Variants in FAM47E observed in about 807,000 individuals in gnomAD.
The protein encoded by FAM47E is protein FAM47E.
Under a neutral mutation model 41.6 loss-of-function variants are expected in FAM47E, and 32 were observed. That is an observed-to-expected ratio of 0.77 (90% CI 0.58 to 1.03). The LOEUF (loss-of-function observed/expected upper bound fraction) is 1.03, where lower values mean the gene tolerates loss of function less well. Ranked by LOEUF, FAM47E falls within the 50% of genes least tolerant of loss-of-function variation. FAM47E has a pLI of 0.00. For missense variants in FAM47E, 424 were observed against 485.4 expected, an observed-to-expected ratio of 0.87 and a Z score of 1.19; for synonymous variants, 184 against 188.7, an observed-to-expected ratio of 0.98 and a Z score of 0.20.
chr4:76,265,573 C>T (rs1734597046), intron 3 of FAM47E, among the ~76,000 whole-genome samples: 2 of 151,250 alleles, frequency 1.3e-5, no homozygotes, highest in Non-Finnish European at 1.5e-5. Context: ...GCTCCTAAAA[C>T]CCTTGGGATT....
At chr4:76,235,755 C>G (rs756128016) in intron 2 of FAM47E, among the ~76,000 whole-genome samples, 41 of 152,242 alleles carry the variant, frequency 2.7e-4, no homozygotes, top group Non-Finnish European at 4.3e-4. Context: ...TAGATCGATT[C>G]CCCATTTCAG....
intron 2 of FAM47E, among the ~76,000 whole-genome samples, chr4:76,259,108 A>G (rs1312557033): frequency 6.6e-6 from 1 of 152,196 alleles, no homozygotes; most frequent in African/African-American, 2.4e-5. Flanking sequence ...GTAAGTGAAA[A>G]TGCAGGTGAA....
intron 6 of FAM47E, 118 bp downstream of exon 6, chr4:76,278,342 C>A: frequency 1.8e-6 from 2 of 1,123,748 alleles, no homozygotes; most frequent in Non-Finnish European, 2.3e-6. Context: ...AGCCCTCCAC[C>A]TTGCATATTG....
chr4:76,279,634 G>A (rs1735265897), intron 6 of FAM47E: 2 of 152,134 alleles, frequency 1.3e-5, no homozygotes, highest in Admixed American at 6.5e-5. Context: ...TTACATTATC[G>A]ACTATAGGTG....
intron 2 of FAM47E, among the ~76,000 whole-genome samples, chr4:76,230,630 A>G (rs1733476240): frequency 6.6e-6 from 1 of 152,154 alleles, no homozygotes; most frequent in African/African-American, 2.4e-5. Context: ...TTCCTAGCAG[A>G]TATCTGGGGT....
Position 76,263,862 on chromosome 4 carries a change from C to G in FAM47E, c.560+19C>G, listed in dbSNP as rs888155173. 6.5e-7 allele frequency: 1 copy of G among 1,548,820 alleles called. No homozygotes were observed. Among genetic ancestry groups the G allele is most frequent in the Non-Finnish European group, 8.7e-7 (1 of 1,145,610 alleles). Reference sequence around the variant, plus strand: ...TGGGACCGTGAGTATTGTTCTTAACCCTTCGATCATTGCTGTCACCTGATG... The same window carrying G: ...TGGGACCGTGAGTATTGTTCTTAACGCTTCGATCATTGCTGTCACCTGATG... On this transcript the variant is annotated intron_variant, in intron 3 of 7. Coordinates refer to ENST00000424749, the MANE Select transcript of FAM47E (RefSeq NM_001136570.3).
chr4:76,282,663 G>C (rs1486680068), intron 7 of FAM47E: 1 of 151,754 alleles, frequency 6.6e-6, no homozygotes, highest in Non-Finnish European at 1.5e-5. Flanking sequence ...CCCTACATCT[G>C]GCTGTCCTCT....
chr4:76,260,578 G>C (rs984443819), intron 2 of FAM47E, among the ~76,000 whole-genome samples: 6 of 152,090 alleles, frequency 3.9e-5, no homozygotes, highest in African/African-American at 1.4e-4. Flanking sequence ...GTGGACTAAA[G>C]ACTTAAATGT....
intron 2 of FAM47E, among the ~76,000 whole-genome samples, chr4:76,246,604 TTACA>T (rs1230410134): frequency 6.6e-6 from 1 of 152,112 alleles, no homozygotes. Flanking sequence ...CATTAAAATT[TTACA>T]TATGTACTAA....
intron 2 of FAM47E, among the ~76,000 whole-genome samples, chr4:76,227,400 G>C (rs1163951803): frequency 6.6e-6 from 1 of 152,104 alleles, no homozygotes; most frequent in East Asian, 1.9e-4. Context: ...TGGTTTGAGA[G>C]GGTACTTGAT....
At chr4:76,258,119 G>A (rs1026470786) in intron 2 of FAM47E, among the ~76,000 whole-genome samples, 22 of 152,098 alleles carry the variant, frequency 1.4e-4, no homozygotes, top group Admixed American at 1.4e-3. Flanking sequence ...GGATTGTGGC[G>A]CTTATTTCCA....
chr4:76,231,857 A>G (rs966107229), intron 2 of FAM47E, among the ~76,000 whole-genome samples: 9 of 152,214 alleles, frequency 5.9e-5, no homozygotes, highest in African/African-American at 1.9e-4. Context: ...CTGTGTAAAC[A>G]AGGGTATGAG....
upstream of FAM47E, among the ~76,000 whole-genome samples, chr4:76,250,769 TC>T (rs1733940511): frequency 6.6e-6 from 1 of 152,190 alleles, no homozygotes; most frequent in African/African-American, 2.4e-5. Context: ...CATAGCTTTC[TC>T]CATTAACTAA....
intron 3 of FAM47E, among the ~76,000 whole-genome samples, chr4:76,266,224 C>G (rs1236318474): frequency 6.6e-6 from 1 of 152,200 alleles, no homozygotes; most frequent in Non-Finnish European, 1.5e-5. Flanking sequence ...GTACTTTGGT[C>G]TTTGACGTCT....
intron 5 of FAM47E, among the ~76,000 whole-genome samples, chr4:76,277,342 C>T (rs1216034103): frequency 2.0e-5 from 3 of 151,806 alleles, no homozygotes; most frequent in African/African-American, 4.8e-5. Flanking sequence ...AAAAATTAGC[C>T]GGGCATGGTG....
At chr4:76,235,694 A>G (rs1195717671) in intron 2 of FAM47E, among the ~76,000 whole-genome samples, 1 of 152,202 alleles carries the variant, frequency 6.6e-6, no homozygotes, top group Admixed American at 6.5e-5. Context: ...CCAACTTAAG[A>G]CCATATGCTG....
chr4:76,278,100 G>A lies in FAM47E; in HGVS notation c.902G>A (p.Arg301Lys). 1 of 1,547,568 alleles carries A rather than the reference G, an allele frequency of 6.5e-7. No homozygotes were observed. The highest frequency in any genetic ancestry group is 1.2e-5 in the South Asian group (1 of 83,278). The change falls in exon 6 of 8, where the codon AGG becomes AAG. Residue 301 changes from arginine (R) to lysine (K), a missense_variant. Physicochemically the swap from Arg to Lys is conservative, Grantham distance 26. Transcript: ENST00000424749. The stretch of plus-strand genomic sequence containing the variant: ...TATAAGCCAAAGTGGGTGAAGATGA[G>A]GTATGGAGCATGGTATTTGAACCCC... ...NPYKPKWVKMRYGAWYLNPKL... is the reference protein window; with the variant it reads ...NPYKPKWVKMKYGAWYLNPKL...
chr4:76,283,021 G>T, intron 7 of FAM47E: 1 of 174,006 alleles, frequency 5.7e-6, no homozygotes, highest in Non-Finnish European at 1.2e-5. Flanking sequence ...ACACATTCCA[G>T]TATCTGCTGC....
rs144339010 is a variant in FAM47E, at chr4:76,269,240, C to T, written c.669+472C>T. Reference sequence around the variant, plus strand: ...ATCCCAGCACTTTTGGAGACTGAGGCGGGCAGATCACTTGAGTTCAAGAGT... The same window carrying T: ...ATCCCAGCACTTTTGGAGACTGAGGTGGGCAGATCACTTGAGTTCAAGAGT... On this transcript the variant is annotated intron_variant, in intron 4 of 7. Coordinates refer to ENST00000424749, the MANE Select transcript of FAM47E (RefSeq NM_001136570.3). 3.2e-3 allele frequency: 501 copies of T among 156,056 alleles called. 4 individuals carry two copies. Among genetic ancestry groups the T allele is most frequent in the African/African-American group, 0.011 (457 of 41,450 alleles). 9.7% of individuals were successfully genotyped at this position (156,056 alleles called of 1,614,324 possible).
Sources: gnomAD v4.1 joint callset for allele counts (sites outside exome capture counted in the v4.1 genomes callset) on GRCh38, gnomAD v4.1.1 for gene constraint, MANE v1.5 for transcripts, NCBI Gene and HGNC (gene_info 2026-07-23, HGNC 2026-07-21) for gene names.